The following RAI14 variants were observed in gnomAD, a reference collection of about 807,000 sequenced individuals.
RAI14 encodes the protein ankycorbin.
Under a neutral mutation model 115.4 loss-of-function variants are expected in RAI14, and 45 were observed. The observed-to-expected ratio is 0.39, with a 90% CI of 0.31 to 0.50. The LOEUF is 0.50. RAI14 is among the 20% of genes least tolerant of loss of function. RAI14 has a pLI of 0.85. For synonymous variants in RAI14, 371 were observed against 415.4 expected (o/e 0.89, Z 1.30); for missense variants, 939 against 1,131.2 (o/e 0.83, Z 2.44).
intron 17 of RAI14, among the ~76,000 whole-genome samples, chr5:34,830,418 T>A (rs1757922786): frequency 6.6e-6 from 1 of 152,226 alleles, no homozygotes; most frequent in Non-Finnish European, 1.5e-5. Flanking sequence ...TTCTGGCTGC[T>A]GGACTCACAT....
intron 3 of RAI14, 117 bp from the exon 4 acceptor site, chr5:34,795,822 A>C: frequency 1.3e-5 from 9 of 683,614 alleles, no homozygotes; most frequent in Admixed American, 2.3e-5. Flanking sequence ...GGGTGCTTGT[A>C]GAGCTCAAGG....
chr5:34,785,023 T>C lies in RAI14; in HGVS notation c.168-10916T>C, dbSNP rs549451247. Among the ~76,000 whole-genome samples, 12 of 152,348 alleles carry C rather than the reference T, an allele frequency of 7.9e-5. No individual in the cohort carries two copies. The East Asian group carries it at 1.2e-3, about 15-fold the overall frequency. On this transcript the variant is annotated intron_variant, in intron 3 of 17. Transcript: ENST00000265109. ...GTTGTATAACTGAATTAATGGCTCA[T>C]AAATCAGTTAACATTCTCCATTTAC... is the stretch of plus-strand genomic sequence containing the variant.
intron 1 of RAI14, among the ~76,000 whole-genome samples, chr5:34,665,408 G>C (rs1358618322): frequency 6.6e-6 from 1 of 150,572 alleles, no homozygotes; most frequent in African/African-American, 2.4e-5. Flanking sequence ...AAAACAGGCA[G>C]TGTTAACTGA....
At position 34,823,389 on chromosome 5, in the gene RAI14, T is replaced by G. The variant is rs762378687; in HGVS notation, c.1547T>G (p.Met516Arg). 6.2e-7 allele frequency: 1 copy of G among 1,614,050 alleles called. No homozygotes were observed. Among genetic ancestry groups the G allele is most frequent in the Admixed American group, 1.7e-5 (1 of 60,026 alleles). ...MKLGLVSPES[M>R]DNYSHFHELR... is the part of the protein sequence containing the mutation. ...CTCGGTCTTGTCTCACCTGAAAGCA[T>G]GGATAATTATTCACATTTCCACGAG... Residue 516 changes from methionine (M) to arginine (R), a missense_variant, in exon 15 of 18, where the codon ATG becomes AGG. Coordinates refer to ENST00000265109, the MANE Select transcript of RAI14 (RefSeq NM_015577.3). This position sits in a 1 kb window ranked among gnomAD's most constrained non-coding sequence, Gnocchi z 4.5.
chr5:34,694,236 G>C (rs1047490955), intron 2 of RAI14, among the ~76,000 whole-genome samples: 1 of 152,190 alleles, frequency 6.6e-6, no homozygotes, highest in Non-Finnish European at 1.5e-5. Flanking sequence ...TTTAAATGAA[G>C]GCTGTTGTTG....
At chr5:34,773,630 A>G (rs1249535105) in intron 3 of RAI14, among the ~76,000 whole-genome samples, 2 of 152,288 alleles carry the variant, frequency 1.3e-5, no homozygotes, top group South Asian at 2.1e-4. Context: ...AGACATACAA[A>G]TGGCCACAGC....
chr5:34,768,839 A>G (rs992278371), intron 3 of RAI14, among the ~76,000 whole-genome samples: 1 of 152,138 alleles, frequency 6.6e-6, no homozygotes, highest in Non-Finnish European at 1.5e-5. Context: ...AAATACAAAA[A>G]TTAGCTGGAT....
intron 4 of RAI14, among the ~76,000 whole-genome samples, chr5:34,799,493 GACACACACACACACACACACAC>G (rs780186006): frequency 0.032 from 3,996 of 124,104 alleles, 111 homozygotes; most frequent in Non-Finnish European, 0.047. Context: ...CACACACACA[GACACACACACACACACACACAC>G]ACACACACAC....
intron 1 of RAI14, among the ~76,000 whole-genome samples, chr5:34,658,826 A>C (rs1742475991): frequency 1.3e-5 from 2 of 151,984 alleles, no homozygotes; most frequent in African/African-American, 4.8e-5. Flanking sequence ...TAAGTATGAA[A>C]TATTTCTAAC....
intron 1 of RAI14, among the ~76,000 whole-genome samples, chr5:34,672,956 GT>G (rs530453358): frequency 6.6e-6 from 1 of 151,960 alleles, no homozygotes; most frequent in Non-Finnish European, 1.5e-5. Flanking sequence ...AAGCTTCCTT[GT>G]TTCCCTCCTT....
chr5:34,780,086 GA>G (rs1751416374), intron 3 of RAI14, among the ~76,000 whole-genome samples: 1 of 152,096 alleles, frequency 6.6e-6, no homozygotes, highest in Admixed American at 6.6e-5. Context: ...ACAACCATCT[GA>G]TCTTTGACAA....
intron 2 of RAI14, among the ~76,000 whole-genome samples, chr5:34,727,541 G>A (rs1743620068): frequency 6.6e-6 from 1 of 152,176 alleles, no homozygotes; most frequent in South Asian, 2.1e-4. Context: ...AGGCCTAGGA[G>A]AATAAAATGG....
chr5:34,665,948 TG>T (rs1743168736), intron 1 of RAI14, among the ~76,000 whole-genome samples: 2 of 152,352 alleles, frequency 1.3e-5, no homozygotes, highest in Non-Finnish European at 2.9e-5. Flanking sequence ...AACATACTAT[TG>T]ACCATTTTTA....
intron 3 of RAI14, among the ~76,000 whole-genome samples, chr5:34,781,662 C>A (rs1016149316): frequency 1.3e-5 from 2 of 152,202 alleles, no homozygotes; most frequent in African/African-American, 4.8e-5. Context: ...AATGGTGCAG[C>A]AGCTTTAGAA....
chr5:34,697,092 C>A (rs1438937981), intron 2 of RAI14, among the ~76,000 whole-genome samples: 1 of 151,316 alleles, frequency 6.6e-6, no homozygotes, highest in African/African-American at 2.4e-5. Flanking sequence ...GATTGTGCCA[C>A]TGCACTCTAG....
At chr5:34,750,948 G>A (rs1240056533) in intron 2 of RAI14, among the ~76,000 whole-genome samples, 1 of 138,380 alleles carries the variant, frequency 7.2e-6, no homozygotes, top group African/African-American at 2.8e-5. Flanking sequence ...TGCCTCCCAG[G>A]TTCAAGTGAT....
At chr5:34,798,333 C>T (rs2150215925) in intron 4 of RAI14, among the ~76,000 whole-genome samples, 1 of 143,152 alleles carries the variant, frequency 7.0e-6, no homozygotes, top group Admixed American at 7.3e-5. Flanking sequence ...GCCACCAAGC[C>T]CGGCCAGAAT....
intron 4 of RAI14, among the ~76,000 whole-genome samples, chr5:34,799,295 G>T (rs1212684976): frequency 6.6e-6 from 1 of 152,184 alleles, no homozygotes; most frequent in East Asian, 1.9e-4. Context: ...AACGTTTGTT[G>T]TGGTGGTTAG....
rs142289459 is a variant in RAI14 at position 34,700,507 on chromosome 5, A to G, written c.36+13552A>G. Among the ~76,000 whole-genome samples, 112 of 152,292 alleles carry G rather than the reference A, an allele frequency of 7.4e-4. 1 individual carries two copies. Among genetic ancestry groups the G allele is most frequent in the African/African-American group, 2.6e-3 (110 of 41,562 alleles). ...TCCCTGCAGTTCCAGCCCAGTTCCT[A>G]CACTAGTCATTGTGTTGAATGAATG... On this transcript the variant is annotated intron_variant, in intron 2 of 17. Transcript: ENST00000265109.
Sources: gnomAD v4.1 joint callset for allele counts (sites outside exome capture counted in the v4.1 genomes callset) on GRCh38, gnomAD v4.1.1 for gene constraint, Gnocchi (gnomAD v3.1) non-coding constraint, MANE v1.5 for transcripts, NCBI Gene and HGNC (gene_info 2026-07-23, HGNC 2026-07-21) for gene names.